PCDH9: variants seen among roughly 807,000 people sequenced by gnomAD.
PCDH9 encodes the protein protocadherin 9, also known as protocadherin-9.
Under a neutral mutation model 70.6 loss-of-function variants are expected in PCDH9, and 24 were observed. The ratio of observed to expected loss-of-function variants is 0.34; its 90% CI spans 0.25 to 0.48. PCDH9 has a LOEUF of 0.48. PCDH9 is among the 20% of genes least tolerant of loss of function. The pLI, the probability that PCDH9 is intolerant of heterozygous loss-of-function variation, is 0.99. For missense variants in PCDH9, 1,281 were observed against 1,503.6 expected (o/e 0.85, Z 2.45); for synonymous variants, 562 against 558.5 (o/e 1.01, Z -0.09).
At chr13:67,192,166 A>C (rs2088934039) in intron 2 of PCDH9, among the ~76,000 whole-genome samples, 1 of 152,140 alleles carries the variant, frequency 6.6e-6, no homozygotes, top group African/African-American at 2.4e-5. Context: ...GGGATGGGGA[A>C]AAACAAAAAG....
At chr13:66,561,695 A>G (rs919483130) in intron 4 of PCDH9, among the ~76,000 whole-genome samples, 2 of 152,084 alleles carry the variant, frequency 1.3e-5, no homozygotes, top group Admixed American at 6.5e-5. Context: ...CTCTGTATCT[A>G]GCTAATCTAG....
At chr13:66,725,754 G>T (rs1341584460) in intron 3 of PCDH9, among the ~76,000 whole-genome samples, 1 of 152,204 alleles carries the variant, frequency 6.6e-6, no homozygotes, top group Non-Finnish European at 1.5e-5. Context: ...GCAGAGGCAT[G>T]TAAAGAGAAT....
At chr13:66,411,355 C>G in intron 4 of PCDH9, among the ~76,000 whole-genome samples, 1 of 152,172 alleles carries the variant, frequency 6.6e-6, no homozygotes, top group South Asian at 2.1e-4. Flanking sequence ...AATGTGATCA[C>G]AGCTCACTGC....
At chr13:67,021,454 A>G (rs2084670400) in intron 2 of PCDH9, among the ~76,000 whole-genome samples, 1 of 152,246 alleles carries the variant, frequency 6.6e-6, no homozygotes, top group African/African-American at 2.4e-5. Flanking sequence ...AGTTTTTGAT[A>G]CTAGAAAAGT....
chr13:66,415,803 C>A (rs2138334917), intron 4 of PCDH9, among the ~76,000 whole-genome samples: 1 of 152,054 alleles, frequency 6.6e-6, no homozygotes, highest in Middle Eastern at 3.4e-3. Flanking sequence ...TTACCTAATG[C>A]ATCTAAAAGA....
intron 2 of PCDH9, among the ~76,000 whole-genome samples, chr13:66,990,589 T>C (rs1028613516): frequency 2.5e-4 from 37 of 149,482 alleles, no homozygotes; most frequent in African/African-American, 8.3e-4. Flanking sequence ...TATACACATA[T>C]ATAAAACAAA....
At chr13:66,545,289 C>A (rs1961137199) in intron 4 of PCDH9, among the ~76,000 whole-genome samples, 1 of 151,860 alleles carries the variant, frequency 6.6e-6, no homozygotes, top group Non-Finnish European at 1.5e-5. Flanking sequence ...ACTAAGTGAG[C>A]CAGAATAAAC....
chr13:67,109,674 G>T (rs1406580965), intron 2 of PCDH9, among the ~76,000 whole-genome samples: 2 of 152,094 alleles, frequency 1.3e-5, no homozygotes, highest in African/African-American at 2.4e-5. Flanking sequence ...CGTATCTCCA[G>T]TAAGACTAAA....
At chr13:66,449,497 C>T (rs1207083294) in intron 4 of PCDH9, among the ~76,000 whole-genome samples, 1 of 152,150 alleles carries the variant, frequency 6.6e-6, no homozygotes, top group Non-Finnish European at 1.5e-5. Flanking sequence ...GGACTAGGGG[C>T]TTGCCACCTG....
At chr13:66,526,328 G>A (rs372032201) in intron 4 of PCDH9, among the ~76,000 whole-genome samples, 4 of 152,042 alleles carry the variant, frequency 2.6e-5, no homozygotes, top group Admixed American at 2.0e-4. Context: ...AATAAAACAC[G>A]AGAATAAGAC....
chr13:67,043,057 C>T lies in PCDH9; in HGVS notation c.3037-139452G>A, dbSNP rs577653996. ...TTTTACAAGTTTAGTATAATTGGGA[C>T]ATGAGATTCATACAGCAATAACCTA... On this transcript the variant is annotated intron_variant, in intron 2 of 4. Coordinates refer to ENST00000377865, the MANE Select transcript of PCDH9 (RefSeq NM_203487.3). Among the ~76,000 whole-genome samples the T allele has an allele frequency of 1.2e-4, 19 of 152,192 alleles. No homozygotes were observed. In the South Asian group the frequency reaches 3.9e-3, roughly 32 times the overall value.
At position 66,448,093 on chromosome 13, in the gene PCDH9, A is replaced by G. The variant is rs1958132288; in HGVS notation, c.3341-143065T>C. 2.0e-5 allele frequency among the ~76,000 whole-genome samples: 3 copies of G among 152,152 alleles called. No individual in the cohort carries two copies. The South Asian group carries it at 6.2e-4, about 32-fold the overall frequency. On this transcript the variant is annotated intron_variant, in intron 4 of 4. Transcript: ENST00000377865. ...TCTTTTCTCTCTTTATCCAATAAAG[A>G]AAAAAAATGCTGGTGGGAAATTTAG... is the stretch of plus-strand genomic sequence containing the variant.
chr13:66,994,112 G>C (rs1017844332), intron 2 of PCDH9, among the ~76,000 whole-genome samples: 2 of 152,156 alleles, frequency 1.3e-5, no homozygotes, highest in Non-Finnish European at 2.9e-5. Context: ...AAGGATTTCG[G>C]AGTTATCAGA....
intron 4 of PCDH9, among the ~76,000 whole-genome samples, chr13:66,550,856 C>T (rs544026299): frequency 1.4e-4 from 22 of 152,224 alleles, no homozygotes; most frequent in African/African-American, 3.4e-4. Flanking sequence ...TTCATGAACA[C>T]GCTAGAGAGA....
At chr13:66,948,047 A>T (rs1201983944) in intron 2 of PCDH9, among the ~76,000 whole-genome samples, 1 of 152,112 alleles carries the variant, frequency 6.6e-6, no homozygotes, top group Non-Finnish European at 1.5e-5. Context: ...CCGACAAGAC[A>T]TTGTCAACTT....
chr13:66,879,518 C>T (rs2081884599), intron 3 of PCDH9, among the ~76,000 whole-genome samples: 1 of 152,022 alleles, frequency 6.6e-6, no homozygotes, highest in Non-Finnish European at 1.5e-5. Flanking sequence ...GATGGACATA[C>T]ACACACATCA....
chr13:66,657,156 A>G (rs886480377), intron 3 of PCDH9, among the ~76,000 whole-genome samples: 4 of 152,202 alleles, frequency 2.6e-5, no homozygotes, highest in Admixed American at 6.5e-5. Flanking sequence ...GATATAAAAC[A>G]TTATAACCAA....
chr13:66,696,008 G>T (rs2078557963), intron 3 of PCDH9, among the ~76,000 whole-genome samples: 1 of 152,074 alleles, frequency 6.6e-6, no homozygotes, highest in South Asian at 2.1e-4. Flanking sequence ...TGAATATGGT[G>T]AAGAATCACA....
rs528869694 is a variant in PCDH9 at position 66,390,947 on chromosome 13, C to T, written c.3341-85919G>A. On this transcript the variant is annotated intron_variant, in intron 4 of 4. Coordinates refer to ENST00000377865, the MANE Select transcript of PCDH9 (RefSeq NM_203487.3). Reference sequence around the variant, plus strand: ...GCTGTATGTCTTTATCCCAACCCAGCACCTTACCATTAGGAAAAGATACAA... The same window carrying T: ...GCTGTATGTCTTTATCCCAACCCAGTACCTTACCATTAGGAAAAGATACAA... 3.7e-4 allele frequency among the ~76,000 whole-genome samples: 56 copies of T among 152,222 alleles called. No individual in the cohort carries two copies. In the South Asian group the frequency reaches 0.011, roughly 30 times the overall value.
Sources: allele counts gnomAD v4.1 joint callset (sites outside exome capture counted in the v4.1 genomes callset), GRCh38; gene constraint gnomAD v4.1.1; transcripts MANE v1.5; gene names NCBI Gene and HGNC (gene_info 2026-07-23, HGNC 2026-07-21).